Variants in NXPE2 observed in about 807,000 individuals in gnomAD.
The protein encoded by NXPE2 is neurexophilin and PC-esterase domain family member 2.
In NXPE2, 34 loss-of-function variants were observed where a neutral mutation model predicts 34.4. The ratio of observed to expected loss-of-function variants is 0.99; its 90% CI spans 0.75 to 1.31. NXPE2 has a LOEUF of 1.31. NXPE2 is among the 40% of genes most tolerant of loss of function. The probability of loss-of-function intolerance (pLI) is 0.00; values close to 1 mark genes in which losing one functional copy is unlikely to be tolerated. For missense variants in NXPE2, 649 were observed against 672.5 expected (o/e 0.97, Z 0.39); for synonymous variants, 235 against 231.3 (o/e 1.02, Z -0.15).
At chr11:114,503,658 A>G in the NXPE2 span, among the ~76,000 whole-genome samples, 1 of 152,230 alleles carries the variant, frequency 6.6e-6, no homozygotes, top group Non-Finnish European at 1.5e-5. Flanking sequence ...TAGAAGATAA[A>G]TCCAAGAGAT....
At chr11:114,782,178 A>C in the NXPE2 span, among the ~76,000 whole-genome samples, 1 of 152,242 alleles carries the variant, frequency 6.6e-6, no homozygotes, top group Admixed American at 6.5e-5. Flanking sequence ...TTCAGTATAG[A>C]CACATTTTAA....
the NXPE2 span, among the ~76,000 whole-genome samples, chr11:114,491,052 C>G: frequency 2.6e-4 from 38 of 148,962 alleles, no homozygotes; most frequent in East Asian, 3.0e-3. Context: ...GTCCCAGCTA[C>G]TTGGGAGGCT....
chr11:114,576,545 T>C, the NXPE2 span, among the ~76,000 whole-genome samples: 1 of 151,882 alleles, frequency 6.6e-6, no homozygotes, highest in Non-Finnish European at 1.5e-5. Context: ...TAGACATGAA[T>C]AGACAATTCT....
the NXPE2 span, among the ~76,000 whole-genome samples, chr11:114,531,520 ACT>A: frequency 6.6e-6 from 1 of 151,860 alleles, no homozygotes; most frequent in African/African-American, 2.4e-5. Context: ...TTAAAGCAAA[ACT>A]CTATTTGTGT....
chr11:114,560,332 G>A, the NXPE2 span, among the ~76,000 whole-genome samples: 18 of 148,724 alleles, frequency 1.2e-4, no homozygotes, highest in South Asian at 4.3e-4. Context: ...GTGCAGTGGC[G>A]TGATCATAGC....
the NXPE2 span, among the ~76,000 whole-genome samples, chr11:114,468,594 T>A: frequency 6.6e-5 from 10 of 152,182 alleles, no homozygotes; most frequent in Non-Finnish European, 1.2e-4. Flanking sequence ...TGGAGATATT[T>A]TTGTTGGCAC....
At chr11:114,543,825 G>A in the NXPE2 span, among the ~76,000 whole-genome samples, 12 of 152,078 alleles carry the variant, frequency 7.9e-5, no homozygotes, top group Admixed American at 3.9e-4. Flanking sequence ...GACTGTCTAC[G>A]TAGAATCTAC....
chr11:114,631,475 A>G, the NXPE2 span, among the ~76,000 whole-genome samples: 149 of 139,380 alleles, frequency 1.1e-3, 1 homozygote, highest in African/African-American at 3.9e-3. Flanking sequence ...CTGAAAAATG[A>G]GAACACATGG....
the NXPE2 span, among the ~76,000 whole-genome samples, chr11:114,605,760 G>A: frequency 6.6e-6 from 1 of 151,674 alleles, no homozygotes; most frequent in Non-Finnish European, 1.5e-5. Flanking sequence ...TTGCCCCTAG[G>A]GTAATCACTG....
At chr11:114,508,893 A>C in the NXPE2 span, among the ~76,000 whole-genome samples, 1 of 152,132 alleles carries the variant, frequency 6.6e-6, no homozygotes, top group African/African-American at 2.4e-5. Flanking sequence ...CAAAATTGAC[A>C]AATGGGATCT....
chr11:114,780,665 AAAC>A, the NXPE2 span, among the ~76,000 whole-genome samples: 2 of 152,192 alleles, frequency 1.3e-5, no homozygotes, highest in Non-Finnish European at 2.9e-5. Context: ...GAGAAGAAAA[AAAC>A]AACATGCTGT....
At chr11:114,740,191 C>T in the NXPE2 span, among the ~76,000 whole-genome samples, 1 of 152,096 alleles carries the variant, frequency 6.6e-6, no homozygotes, top group South Asian at 2.1e-4. Flanking sequence ...TGGTCTTTCT[C>T]TCTCTCTATA....
At chr11:114,643,480 G>A in the NXPE2 span, among the ~76,000 whole-genome samples, 1 of 152,052 alleles carries the variant, frequency 6.6e-6, no homozygotes, top group Admixed American at 6.6e-5. Flanking sequence ...TATATGGCTA[G>A]GCAGTTTTCC....
chr11:114,717,992 T>C, the NXPE2 span, among the ~76,000 whole-genome samples: 1 of 152,226 alleles, frequency 6.6e-6, no homozygotes, highest in African/African-American at 2.4e-5. Flanking sequence ...TTTGATTCCA[T>C]TTTAAGGGCT....
At chr11:114,469,088 G>C in the NXPE2 span, among the ~76,000 whole-genome samples, 5 of 140,132 alleles carry the variant, frequency 3.6e-5, no homozygotes, top group Admixed American at 2.9e-4. Context: ...AATGTAAGGA[G>C]TAATTTAAAT....
the NXPE2 span, chr11:114,583,373 T>G: frequency 1.6e-6 from 1 of 623,188 alleles, no homozygotes; most frequent in Non-Finnish European, 3.1e-6. Context: ...GACTCATAAT[T>G]TGCTGCTCAA....
At chr11:114,678,389 G>T (rs1455105345), upstream of NXPE2, 4 of 501,246 alleles carry the variant, frequency 8.0e-6, no homozygotes, top group Middle Eastern at 5.5e-4. Flanking sequence ...CTGTGGTGTG[G>T]GTTGGGCAGG....
chr11:114,559,609 AG>A, the NXPE2 span, among the ~76,000 whole-genome samples: 2 of 148,932 alleles, frequency 1.3e-5, no homozygotes, highest in South Asian at 2.1e-4. Flanking sequence ...TCTCACTATC[AG>A]TTTTTTTTTT....
the NXPE2 span, chr11:114,582,451 G>C: frequency 2.5e-6 from 4 of 1,614,174 alleles, no homozygotes; most frequent in South Asian, 4.4e-5. Context: ...TTTGTGTTTA[G>C]GATCAGGCCA....
Sources: gnomAD v4.1 joint callset for allele counts (sites outside exome capture counted in the v4.1 genomes callset) on GRCh38, gnomAD v4.1.1 for gene constraint, MANE v1.5 for transcripts, NCBI Gene and HGNC (gene_info 2026-07-23, HGNC 2026-07-21) for gene names.